The following GALNT13 variants were observed in gnomAD, a reference collection of about 807,000 sequenced individuals.
GALNT13 encodes the protein UDP-GalNAc:polypeptide N-acetylgalactosaminyltransferase 13.
In GALNT13, 28 loss-of-function variants were observed where a neutral mutation model predicts 64.2. The ratio of observed to expected loss-of-function variants is 0.44; its 90% confidence interval spans 0.32 to 0.60. The LOEUF (loss-of-function observed/expected upper bound fraction) is 0.60. Ranked by LOEUF, GALNT13 falls within the 20% of genes least tolerant of loss-of-function variation. The pLI is 0.05. For synonymous variants in GALNT13, 214 were observed against 224.6 expected (o/e 0.95, Z 0.42); for missense variants, 577 against 669.8 (o/e 0.86, Z 1.53).
At chr2:153,790,753 T>A in the GALNT13 span, among the ~76,000 whole-genome samples, 1 of 152,202 alleles carries the variant, frequency 6.6e-6, no homozygotes, top group Non-Finnish European at 1.5e-5. Context: ...TTCAGCAAAG[T>A]TTCAGGATAC....
intron 4 of GALNT13, among the ~76,000 whole-genome samples, chr2:154,151,500 T>C (rs2105623158): frequency 6.6e-6 from 1 of 152,274 alleles, no homozygotes; most frequent in East Asian, 1.9e-4. Context: ...ACTTTCTGTC[T>C]CGTTGATCTG....
At chr2:154,393,616 TTATC>T (rs1698902155) in intron 9 of GALNT13, among the ~76,000 whole-genome samples, 1 of 152,192 alleles carries the variant, frequency 6.6e-6, no homozygotes, top group Non-Finnish European at 1.5e-5. Flanking sequence ...TTTAGCATAA[TTATC>T]TAGGATTAGA....
the GALNT13 span, among the ~76,000 whole-genome samples, chr2:153,383,702 C>G: frequency 1.3e-5 from 2 of 151,908 alleles, no homozygotes. Context: ...TAAATTTGTT[C>G]ATTGATTGAT....
the GALNT13 span, among the ~76,000 whole-genome samples, chr2:153,728,223 A>G: frequency 5.4e-4 from 82 of 152,282 alleles, no homozygotes; most frequent in Admixed American, 2.6e-3. Flanking sequence ...ATATGTCTGC[A>G]TAGTAGAATG....
In GALNT13 at chr2:154,043,455, T is replaced by TATATATATATACACAC. The variant is rs1341373277; in HGVS notation, c.143-96881_143-96880insTATATATATACACACA. Among the ~76,000 whole-genome samples, 84 of 104,874 alleles carry TATATATATATACACAC rather than the reference T, an allele frequency of 8.0e-4. 1 individual carries two copies. Among genetic ancestry groups the TATATATATATACACAC allele is most frequent in the East Asian group, 2.5e-3 (4 of 1,582 alleles). The allele number at this position is 104,874 out of a possible 152,430, so 68.8% of individuals were successfully genotyped here. On this transcript the variant is annotated intron_variant, in intron 3 of 12. Transcript: ENST00000392825. ...ATATATATATATATATATATATATATACACACATGTATACATAAAAACATG... is the reference window on the plus strand; with the variant it reads ...ATATATATATATATATATATATATATATATATATATACACACACACACATGTATACATAAAAACATG...
chr2:153,478,118 C>T, the GALNT13 span: 1 of 797,796 alleles, frequency 1.3e-6, no homozygotes, highest in Admixed American at 2.9e-5. Flanking sequence ...AGGCCGAAGT[C>T]GAGAGAAATA....
the GALNT13 span, among the ~76,000 whole-genome samples, chr2:153,821,844 A>G: frequency 6.6e-6 from 1 of 152,182 alleles, no homozygotes; most frequent in Non-Finnish European, 1.5e-5. Context: ...ATCTAAAGTA[A>G]CCATGAAAAA....
At position 154,451,567 on chromosome 2, in the gene GALNT13, AT is replaced by A. The variant is rs1701871466; in HGVS notation, c.*1020del. On this transcript the variant is annotated 3_prime_UTR_variant, in exon 13 of 13. Coordinates refer to ENST00000392825, the MANE Select transcript of GALNT13 (RefSeq NM_052917.4). ...CAGTGCTGTGCTCCAGTATCTAAAA[AT>A]TTTATCACCAGGGGAATAAACTCAA... is the stretch of plus-strand genomic sequence containing the variant. 1 of 152,122 alleles carries A rather than the reference AT, an allele frequency of 6.6e-6. No individual in the cohort carries two copies. The highest frequency in any genetic ancestry group is 1.5e-5 in the Non-Finnish European group (1 of 68,018). 9.4% of individuals were successfully genotyped at this position (152,122 alleles called of 1,614,324 possible). A position where few individuals can be genotyped will look rare whatever the true frequency, so the allele number is the denominator to read the frequency against.
intron 2 of GALNT13, among the ~76,000 whole-genome samples, chr2:153,904,367 A>G (rs776842327): frequency 1.3e-5 from 2 of 151,918 alleles, no homozygotes; most frequent in African/African-American, 4.8e-5. Flanking sequence ...TCTTAGTCAT[A>G]TTGCATGCAA....
the GALNT13 span, among the ~76,000 whole-genome samples, chr2:153,695,216 T>C: frequency 2.0e-5 from 3 of 152,174 alleles, no homozygotes; most frequent in Admixed American, 6.5e-5. Flanking sequence ...CATGTAGGCA[T>C]GTGTCAAAAT....
chr2:153,207,610 G>A, the GALNT13 span, among the ~76,000 whole-genome samples: 3 of 152,046 alleles, frequency 2.0e-5, no homozygotes, highest in Non-Finnish European at 4.4e-5. Context: ...TTCATAAGAA[G>A]AGAAAGATAA....
At chr2:153,141,257 T>A in the GALNT13 span, among the ~76,000 whole-genome samples, 1 of 151,968 alleles carries the variant, frequency 6.6e-6, no homozygotes, top group Non-Finnish European at 1.5e-5. Context: ...ATATGGCCAC[T>A]TGTGTTGGAG....
chr2:153,735,335 T>C, the GALNT13 span, among the ~76,000 whole-genome samples: 2 of 152,110 alleles, frequency 1.3e-5, no homozygotes, highest in Admixed American at 1.3e-4. Context: ...ATTTCATGCA[T>C]CAAAGGCATT....
At chr2:153,340,604 G>C in the GALNT13 span, among the ~76,000 whole-genome samples, 1 of 150,588 alleles carries the variant, frequency 6.6e-6, no homozygotes, top group African/African-American at 2.4e-5. Flanking sequence ...GCAGTGAGCC[G>C]AGATTGCACC....
At chr2:153,446,243 A>G in the GALNT13 span, among the ~76,000 whole-genome samples, 1 of 152,196 alleles carries the variant, frequency 6.6e-6, no homozygotes, top group Admixed American at 6.5e-5. Flanking sequence ...GTTTTGGTCA[A>G]TACCATTGTG....
At chr2:153,831,822 G>A in the GALNT13 span, among the ~76,000 whole-genome samples, 5 of 151,992 alleles carry the variant, frequency 3.3e-5, no homozygotes, top group Admixed American at 6.6e-5. Flanking sequence ...GAAGCATAGC[G>A]TATCTCTTCA....
At chr2:153,440,022 A>G in the GALNT13 span, among the ~76,000 whole-genome samples, 1 of 152,270 alleles carries the variant, frequency 6.6e-6, no homozygotes, top group Non-Finnish European at 1.5e-5. Context: ...GTTACATAGT[A>G]TACACTTGCC....
At chr2:153,328,636 A>G in the GALNT13 span, among the ~76,000 whole-genome samples, 3 of 152,062 alleles carry the variant, frequency 2.0e-5, no homozygotes, top group South Asian at 6.2e-4. Context: ...AAGCCTCAGT[A>G]ATGGTGGACG....
At chr2:153,802,085 A>G in the GALNT13 span, among the ~76,000 whole-genome samples, 2 of 152,182 alleles carry the variant, frequency 1.3e-5, no homozygotes, top group Admixed American at 1.3e-4. Flanking sequence ...CTTTTGTGGC[A>G]TGTCATTTAC....
Sources: allele counts gnomAD v4.1 joint callset (sites outside exome capture counted in the v4.1 genomes callset), GRCh38; gene constraint gnomAD v4.1.1; transcripts MANE v1.5; gene names NCBI Gene and HGNC (gene_info 2026-07-23, HGNC 2026-07-21).